Variants in TRIM33 observed in about 807,000 individuals in gnomAD.
TRIM33 encodes tripartite motif containing 33.
A neutral mutation model predicts 125.4 loss-of-function variants in TRIM33; 20 were observed. The ratio of observed to expected loss-of-function variants is 0.16; its 90% CI spans 0.11 to 0.23. The LOEUF (loss-of-function observed/expected upper bound fraction) is 0.23. TRIM33 is among the 10% of genes least tolerant of loss of function. The pLI is 1.00. For missense variants in TRIM33, 920 were observed against 1,411.4 expected, an observed-to-expected ratio of 0.65 and a Z score of 5.58; for synonymous variants, 564 against 513.9, an observed-to-expected ratio of 1.10 and a Z score of -1.32.
Position 114,461,215 on chromosome 1 carries a change from A to AATTT in TRIM33, c.923+1888_923+1889insAAAT, listed in dbSNP as rs1553216065. ...GACAGAGCAAGAACCTGTCTTTAAA[A>AATTT]ATATATATATATATATATATACATA... On this transcript the variant is annotated intron_variant, in intron 4 of 19. Transcript: ENST00000358465. Among the ~76,000 whole-genome samples, 8 of 133,136 alleles carry AATTT rather than the reference A, an allele frequency of 6.0e-5. No individual in the cohort carries two copies. In the Admixed American group the frequency reaches 6.1e-4, roughly 10 times the overall value. 87.3% of individuals were successfully genotyped at this position (133,136 alleles called of 152,430 possible). A position where few individuals can be genotyped will look rare whatever the true frequency, so the allele number is the denominator to read the frequency against.
intron 1 of TRIM33, among the ~76,000 whole-genome samples, chr1:114,475,615 G>A (rs1209749938): frequency 6.6e-6 from 1 of 152,190 alleles, no homozygotes; most frequent in East Asian, 1.9e-4. Context: ...CCTGGAGGCA[G>A]GACTTGCAGT....
chr1:114,467,864 T>A (rs1316021232), intron 1 of TRIM33, among the ~76,000 whole-genome samples: 1 of 152,208 alleles, frequency 6.6e-6, no homozygotes, highest in Non-Finnish European at 1.5e-5. Flanking sequence ...AAAGCTTTGG[T>A]CATCAACACC....
In TRIM33 at chr1:114,510,691, T is replaced by C. The variant is rs1288894039; in HGVS notation, c.386A>G (p.Gln129Arg). 2.6e-6 allele frequency: 4 copies of C among 1,545,278 alleles called. No individual in the cohort carries two copies. Among genetic ancestry groups the C allele is most frequent in the Non-Finnish European group, 3.5e-6 (4 of 1,151,298 alleles). ...ASLLDTCAVC[Q>R]QSLQSRREAE... The stretch of plus-strand genomic sequence containing the variant: ...CTCACGCCGGCTCTGCAAGCTCTGC[T>C]GACACACGGCGCAGGTGTCCAGGAG... Residue 129 changes from glutamine to arginine, a missense_variant, in exon 1 of 20, where the codon CAG becomes CGG. Gln to Arg is a conservative substitution (Grantham distance 43). Coordinates refer to ENST00000358465, the MANE Select transcript of TRIM33 (RefSeq NM_015906.4).
rs972345801 is a variant in TRIM33 at position 114,511,126 on chromosome 1, G to C, written c.-50C>G. On this transcript the variant is annotated 5_prime_UTR_variant, in exon 1 of 20. Transcript: ENST00000358465. ...CCGCCCCGCGCCGCCCGCCGCCCGC[G>C]TCGCCGCCGCCGCCGCCCCCAGCCC... 1.1e-4 allele frequency: 117 copies of C among 1,111,076 alleles called. 1 individual carries two copies. In the African/African-American group the frequency reaches 1.6e-3, roughly 15 times the overall value. The allele number at this position is 1,111,076 out of a possible 1,614,324, so 68.8% of individuals were successfully genotyped here.
At position 114,463,443 on chromosome 1, in the gene TRIM33, A is replaced by G; in HGVS notation, c.759T>C (p.Asp253=). ...CATCTTCTTTCTTCCTGATCAAGTGATCTTTAGTAAATTTTACTCTTTGAT... is the reference window on the plus strand; with the variant it reads ...CATCTTCTTTCTTCCTGATCAAGTGGTCTTTAGTAAATTTTACTCTTTGAT... ...EAHQRVKFTK[D]HLIRKKEDVS... Residue 253 remains aspartate (D), a synonymous_variant, in exon 3 of 20, where the codon GAT becomes GAC. Transcript: ENST00000358465. 1 of 1,613,334 alleles carries G rather than the reference A, an allele frequency of 6.2e-7. No individual in the cohort carries two copies. The highest frequency in any genetic ancestry group is 1.1e-5 in the South Asian group (1 of 91,008).
At chr1:114,488,840 C>T (rs1202420956) in intron 1 of TRIM33, among the ~76,000 whole-genome samples, 4 of 152,146 alleles carry the variant, frequency 2.6e-5, no homozygotes. Context: ...CCCACCCCAG[C>T]AACATAGCAA....
chr1:114,407,183 C>T lies in TRIM33; in HGVS notation c.2259-83G>A. On this transcript the variant is annotated intron_variant, in intron 13 of 19. Transcript: ENST00000358465. ...ACAATTATATGAAAAGTAATGTTCA[C>T]TAAAGTGAAGACAATAGACAATTAA... The T allele has an allele frequency of 2.5e-6, 3 of 1,206,374 alleles. No homozygotes were observed. The South Asian group carries it at 4.6e-5, about 19-fold the overall frequency. The allele number at this position is 1,206,374 out of a possible 1,614,324, so 74.7% of individuals were successfully genotyped here.
At chr1:114,398,412 GTCT>G (rs766468679) in intron 18 of TRIM33, among the ~76,000 whole-genome samples, 19 of 152,266 alleles carry the variant, frequency 1.2e-4, no homozygotes, top group South Asian at 1.0e-3. Context: ...GGAAACATGG[GTCT>G]TCTTATCAAC....
At chr1:114,477,399 C>CAAA (rs1212116039) in intron 1 of TRIM33, among the ~76,000 whole-genome samples, 1 of 151,168 alleles carries the variant, frequency 6.6e-6, no homozygotes, top group African/African-American at 2.4e-5. Flanking sequence ...CCAGGCATGT[C>CAAA]ATTTACCAAA....
intron 17 of TRIM33, among the ~76,000 whole-genome samples, chr1:114,400,024 C>T (rs1651774592): frequency 1.3e-5 from 2 of 151,932 alleles, no homozygotes; most frequent in South Asian, 4.2e-4. Flanking sequence ...CAGGGAATAT[C>T]ATTTACATCA....
chr1:114,458,621 C>T (rs1360553569), intron 4 of TRIM33, among the ~76,000 whole-genome samples: 1 of 152,172 alleles, frequency 6.6e-6, no homozygotes, highest in Non-Finnish European at 1.5e-5. Context: ...TCCAAATTCT[C>T]AAGGAGTTGG....
Position 114,468,660 on chromosome 1 carries a change from G to A in TRIM33, c.527-4272C>T, listed in dbSNP as rs79913272. 2.2e-3 allele frequency: 946 copies of A among 439,894 alleles called. 6 individuals carry two copies. The highest frequency in any genetic ancestry group is 0.018 in the African/African-American group (856 of 48,580). 27.2% of individuals were successfully genotyped at this position (439,894 alleles called of 1,614,324 possible). A position where few individuals can be genotyped will look rare whatever the true frequency, so the allele number is the denominator to read the frequency against. On this transcript the variant is annotated intron_variant, in intron 1 of 19. Transcript: ENST00000358465. Reference sequence around the variant, plus strand: ...TCAAGAACCAGCTGAACCAGAGTATGACCTTAATATTATGCTTGGCAATAA... The same window carrying A: ...TCAAGAACCAGCTGAACCAGAGTATAACCTTAATATTATGCTTGGCAATAA...
At chr1:114,498,050 T>C (rs188215528) in intron 1 of TRIM33, among the ~76,000 whole-genome samples, 1 of 143,342 alleles carries the variant, frequency 7.0e-6, no homozygotes, top group African/African-American at 2.6e-5. Context: ...ATCACTTGAA[T>C]CCAAGAGCGG....
At chr1:114,491,597 GT>G (rs1162173414) in intron 1 of TRIM33, among the ~76,000 whole-genome samples, 1 of 152,132 alleles carries the variant, frequency 6.6e-6, no homozygotes, top group African/African-American at 2.4e-5. Flanking sequence ...TGAGTCCAGA[GT>G]TCAAGACCAG....
Position 114,469,739 on chromosome 1 carries a change from G to T in TRIM33, c.527-5351C>A, listed in dbSNP as rs141198410. The stretch of plus-strand genomic sequence containing the variant: ...GCAGACAGACATTAGCATGAGCGTG[G>T]GGAACTGAAGATGTGAAATGCTGAA... On this transcript the variant is annotated intron_variant, in intron 1 of 19. Coordinates refer to ENST00000358465, the MANE Select transcript of TRIM33 (RefSeq NM_015906.4). 5.3e-5 allele frequency among the ~76,000 whole-genome samples: 8 copies of T among 152,228 alleles called. No individual in the cohort carries two copies. In the East Asian group the frequency reaches 1.5e-3, roughly 29 times the overall value.
chr1:114,490,402 T>C (rs1460955573), intron 1 of TRIM33, among the ~76,000 whole-genome samples: 1 of 152,142 alleles, frequency 6.6e-6, no homozygotes, highest in Non-Finnish European at 1.5e-5. Flanking sequence ...TTGGCAACAT[T>C]ATAGAGAAAC....
chr1:114,485,200 G>A (rs1382253271), intron 1 of TRIM33, among the ~76,000 whole-genome samples: 4 of 152,040 alleles, frequency 2.6e-5, no homozygotes, highest in Non-Finnish European at 4.4e-5. Context: ...ACTATAATCT[G>A]TAAAATGTTA....
chr1:114,485,946 A>C (rs1295749435), intron 1 of TRIM33, among the ~76,000 whole-genome samples: 2 of 152,234 alleles, frequency 1.3e-5, no homozygotes, highest in Non-Finnish European at 2.9e-5. Context: ...AACATCTGAC[A>C]AAGTCTTTAA....
intron 1 of TRIM33, among the ~76,000 whole-genome samples, chr1:114,465,626 C>T (rs1252431793): frequency 1.3e-4 from 20 of 152,020 alleles, no homozygotes; most frequent in Admixed American, 7.2e-4. Context: ...CATAGTGAGA[C>T]GCCATCTCTA....
Sources: gnomAD v4.1 joint callset for allele counts (sites outside exome capture counted in the v4.1 genomes callset) on GRCh38, gnomAD v4.1.1 for gene constraint, MANE v1.5 for transcripts, NCBI Gene and HGNC (gene_info 2026-07-23, HGNC 2026-07-21) for gene names.